ZNF266: variants seen among roughly 807,000 people sequenced by gnomAD.
The protein encoded by ZNF266 is zinc finger protein 266, also known as zinc finger protein 1.
A neutral mutation model predicts 16.4 loss-of-function variants in ZNF266; 16 were observed. The observed-to-expected ratio is 0.98, with a 90% CI of 0.66 to 1.48. ZNF266 has a LOEUF of 1.48. Among genes scored for constraint, ZNF266 ranks in the 40% most tolerant of loss-of-function variants. ZNF266 has a pLI of 0.00. For missense variants in ZNF266, 738 were observed against 689.1 expected, an observed-to-expected ratio of 1.07 and a Z score of -0.79; for synonymous variants, 262 against 237.9, an observed-to-expected ratio of 1.10 and a Z score of -0.93.
At chr19:9,430,547 A>G (rs1460860154) in intron 5 of ZNF266, among the ~76,000 whole-genome samples, 1 of 152,196 alleles carries the variant, frequency 6.6e-6, no homozygotes. Flanking sequence ...TCATCAGCTC[A>G]TACCCTCCAA....
In ZNF266 at chr19:9,413,614, C is replaced by G; in HGVS notation, c.1512G>C (p.Glu504Asp). ...LRIHTGEKPFECLECGKAFTH... is the reference protein window; with the variant it reads ...LRIHTGEKPFDCLECGKAFTH... ...TAAATGCTTTACCACATTCCAGGCA[C>G]TCAAAGGGCTTCTCTCCAGTGTGAA... Residue 504 changes from glutamate (E) to aspartate (D), a missense_variant, in exon 11 of 11, where the codon GAG becomes GAC. Transcript: ENST00000592904. 2 of 1,613,896 alleles carry G rather than the reference C, an allele frequency of 1.2e-6. No individual in the cohort carries two copies. Among genetic ancestry groups the G allele is most frequent in the Non-Finnish European group, 1.7e-6 (2 of 1,179,980 alleles).
intron 5 of ZNF266, among the ~76,000 whole-genome samples, chr19:9,427,884 T>G (rs547159169): frequency 1.3e-5 from 2 of 152,284 alleles, no homozygotes; most frequent in South Asian, 4.1e-4. Context: ...TAGTAATTTT[T>G]GGGTTCTGGT....
intron 7 of ZNF266, chr19:9,418,873 CTT>C: frequency 5.9e-6 from 2 of 340,496 alleles, no homozygotes; most frequent in Non-Finnish European, 1.1e-5. Flanking sequence ...GCAGCACACT[CTT>C]GAGCAGATGC....
intron 5 of ZNF266, among the ~76,000 whole-genome samples, chr19:9,423,704 T>C (rs557479397): frequency 7.2e-5 from 11 of 152,150 alleles, no homozygotes; most frequent in Admixed American, 4.6e-4. Flanking sequence ...GGTCCAAGAA[T>C]TGATGAGTAG....
chr19:9,417,860 T>A lies in ZNF266; in HGVS notation c.284A>T (p.Glu95Val). 1 of 1,614,144 alleles carries A rather than the reference T, an allele frequency of 6.2e-7. No homozygotes were observed. Among genetic ancestry groups the A allele is most frequent in the Non-Finnish European group, 8.5e-7 (1 of 1,179,998 alleles). Residue 95 changes from glutamate (E) to valine (V), a missense_variant, in exon 9 of 11, where the codon GAG (glutamate) becomes GTG (valine). Transcript: ENST00000592904. ...ATCACCTCTCTGCACTGTCCTAGAC[T>A]CTTCTTGTTCCAGCCAAGAGATCAG... The part of the protein sequence containing the change: ...PSLISWLEQE[E>V]SRTVQRGDFQ...
In ZNF266 at chr19:9,412,975, A is replaced by G. The variant is rs2068455838; in HGVS notation, c.*300T>C. 1 of 375,854 alleles carries G rather than the reference A, an allele frequency of 2.7e-6. No individual in the cohort carries two copies. The highest frequency in any genetic ancestry group is 4.8e-5 in the South Asian group (1 of 21,048). 23.3% of individuals were successfully genotyped at this position (375,854 alleles called of 1,614,324 possible). A position where few individuals can be genotyped will look rare whatever the true frequency, so the allele number is the denominator to read the frequency against. On this transcript the variant is annotated 3_prime_UTR_variant, in exon 11 of 11. Transcript: ENST00000592904. ...CATTTAAATTGCAGGGTTTCTCTCC[A>G]ATGTGAGTTCACATACACACATTAA...
chr19:9,424,220 C>CAAAAAAAAAAAAAAAA (rs55740067), intron 5 of ZNF266, among the ~76,000 whole-genome samples: 1 of 121,626 alleles, frequency 8.2e-6, no homozygotes, highest in Non-Finnish European at 1.8e-5. Context: ...AACCAAGAGG[C>CAAAAAAAAAAAAAAAA]AAAAAAAAAA....
intron 5 of ZNF266, among the ~76,000 whole-genome samples, chr19:9,428,352 C>T (rs1599545117): frequency 6.6e-6 from 1 of 152,174 alleles, no homozygotes; most frequent in Admixed American, 6.5e-5. Context: ...GCAGTGGCTT[C>T]CCCTGTTCTC....
At chr19:9,422,426 G>A (rs1318246631) in intron 5 of ZNF266, among the ~76,000 whole-genome samples, 2 of 152,172 alleles carry the variant, frequency 1.3e-5, no homozygotes, top group Non-Finnish European at 2.9e-5. Flanking sequence ...ATGCATCTGA[G>A]TTCTGAGGAA....
chr19:9,431,241 G>A (rs928213327), intron 5 of ZNF266, among the ~76,000 whole-genome samples: 3 of 152,098 alleles, frequency 2.0e-5, no homozygotes, highest in South Asian at 4.1e-4. Context: ...CTCTGTCCAC[G>A]CCATATGCCC....
rs144013116 is a variant in ZNF266, at chr19:9,413,408, G to C, written c.1718C>G (p.Ser573Trp). The change falls in exon 11 of 11, where the codon TCG (serine) becomes TGG (tryptophan). Residue 573 changes from serine to tryptophan, a missense_variant. Transcript: ENST00000592904. ...GTGAGTTCGTTCATGTAACTGAAAC[G>C]AATTGGAGTAACTGAAGGATTTCCC... ...QCGKSFSYSN[S>W]FQLHERTHTG... is the part of the protein sequence containing the mutation. The C allele has an allele frequency of 6.2e-7, 1 of 1,611,732 alleles. No homozygotes were observed. Among genetic ancestry groups the C allele is most frequent in the Non-Finnish European group, 8.5e-7 (1 of 1,179,316 alleles).
At position 9,422,041 on chromosome 19, in the gene ZNF266, C is replaced by T. The variant is rs144535694; in HGVS notation, c.-129-1823G>A. 7.9e-3 allele frequency among the ~76,000 whole-genome samples: 1,205 copies of T among 152,252 alleles called. 14 individuals are homozygous for T. The highest frequency in any genetic ancestry group is 0.019 in the Admixed American group (296 of 15,286). On this transcript the variant is annotated intron_variant, in intron 5 of 10. Coordinates refer to ENST00000592904, the MANE Select transcript of ZNF266 (RefSeq NM_001370374.1). ...AATTTTTTTGTATTTTTAGTAGACA[C>T]GGGGTTTCACCCTGTCAGCCAGGAT...
In ZNF266 at chr19:9,414,389, T is replaced by C. The variant is rs746577981; in HGVS notation, c.737A>G (p.Asn246Ser). The C allele has an allele frequency of 1.2e-6, 2 of 1,614,222 alleles. No individual in the cohort carries two copies. Among genetic ancestry groups the C allele is most frequent in the Non-Finnish European group, 1.7e-6 (2 of 1,180,038 alleles). Reference sequence around the variant, plus strand: ...CTTCCATTCATGGAGACTTTCTCCATTGTGAGTTCTTAAATGTCCCTGAAG... The same window carrying C: ...CTTCCATTCATGGAGACTTTCTCCACTGTGAGTTCTTAAATGTCCCTGAAG... ...SHLQGHLRTH[N>S]GESLHEWKEC... The change falls in exon 11 of 11, where the codon AAT (asparagine) becomes AGT (serine). Residue 246 changes from asparagine (N) to serine (S), a missense_variant. By Grantham distance (46) the Asn-to-Ser change is conservative (BLOSUM62 1). Transcript: ENST00000592904.
At chr19:9,428,515 G>A (rs1017086868) in intron 5 of ZNF266, among the ~76,000 whole-genome samples, 1 of 152,150 alleles carries the variant, frequency 6.6e-6, no homozygotes, top group South Asian at 2.1e-4. Context: ...ATAAGTGATG[G>A]GGCTCAGTGG....
At chr19:9,434,049 A>C (rs1249582490) in intron 4 of ZNF266, 26 bp downstream of exon 4, 1 of 152,170 alleles carries the variant, frequency 6.6e-6, no homozygotes, top group Non-Finnish European at 1.5e-5. Flanking sequence ...TCCCCAACCA[A>C]AGAAAGAATA....
intron 5 of ZNF266, among the ~76,000 whole-genome samples, chr19:9,433,354 G>A (rs182142309): frequency 4.6e-5 from 7 of 152,226 alleles, no homozygotes; most frequent in Non-Finnish European, 8.8e-5. Flanking sequence ...AGGTGTATGA[G>A]TGTCTATAAG....
In ZNF266 at chr19:9,432,545, C is replaced by T. The variant is rs567376598; in HGVS notation, c.-130+1123G>A. Among the ~76,000 whole-genome samples the T allele has an allele frequency of 5.9e-5, 9 of 152,106 alleles. No individual in the cohort carries two copies. In the South Asian group the frequency reaches 1.0e-3, roughly 18 times the overall value. ...GGTTCTTGGAAACTGAGACTTTAAGCGAAATGACATACAACAAAGCGAATT... is the reference window on the plus strand; with the variant it reads ...GGTTCTTGGAAACTGAGACTTTAAGTGAAATGACATACAACAAAGCGAATT... On this transcript the variant is annotated intron_variant, in intron 5 of 10. Transcript: ENST00000592904.
Position 9,434,163 on chromosome 19 carries a change from T to C in ZNF266, c.-337A>G, listed in dbSNP as rs2072083597. 1 of 152,236 alleles carries C rather than the reference T, an allele frequency of 6.6e-6. No homozygotes were observed. Among genetic ancestry groups the C allele is most frequent in the Non-Finnish European group, 1.5e-5 (1 of 68,050 alleles). 9.4% of individuals were successfully genotyped at this position (152,236 alleles called of 1,614,324 possible). On this transcript the variant is annotated 5_prime_UTR_variant, in exon 4 of 11. Coordinates refer to ENST00000592904, the MANE Select transcript of ZNF266 (RefSeq NM_001370374.1). ...AATGCTTTGCCCAGCTCTTATTTCCTTCCCCTTCAGTATGGCTAAATCATA... is the reference window on the plus strand; with the variant it reads ...AATGCTTTGCCCAGCTCTTATTTCCCTCCCCTTCAGTATGGCTAAATCATA...
At chr19:9,431,339 G>A (rs188296064) in intron 5 of ZNF266, among the ~76,000 whole-genome samples, 134 of 152,268 alleles carry the variant, frequency 8.8e-4, no homozygotes, top group African/African-American at 3.2e-3. Flanking sequence ...ATGCTCAAAG[G>A]ACTCCCACTA....
Sources: gnomAD v4.1 joint callset for allele counts (sites outside exome capture counted in the v4.1 genomes callset) on GRCh38, gnomAD v4.1.1 for gene constraint, MANE v1.5 for transcripts, NCBI Gene and HGNC (gene_info 2026-07-23, HGNC 2026-07-21) for gene names.